ZKSCAN4: variants seen among roughly 807,000 people sequenced by gnomAD.
ZKSCAN4 encodes the protein zinc finger protein with KRAB and SCAN domains 4.
Under a neutral mutation model 30.8 loss-of-function variants are expected in ZKSCAN4, and 23 were observed. The observed-to-expected ratio is 0.75, with a 90% CI of 0.54 to 1.06. The LOEUF (loss-of-function observed/expected upper bound fraction) is 1.06, where lower values mean the gene tolerates loss of function less well. Ranked by LOEUF, ZKSCAN4 falls within the 50% of genes least tolerant of loss-of-function variation. ZKSCAN4 has a pLI of 0.00. For synonymous variants in ZKSCAN4, 208 were observed against 252.5 expected (o/e 0.82, Z 1.67); for missense variants, 556 against 665.4 (o/e 0.84, Z 1.81).
chr6:28,244,982 C>G lies in ZKSCAN4; in HGVS notation c.*134G>C, dbSNP rs778196669. 2 of 1,139,200 alleles carry G rather than the reference C, an allele frequency of 1.8e-6. No homozygotes were observed. Among genetic ancestry groups the G allele is most frequent in the Non-Finnish European group, 1.3e-6 (1 of 757,940 alleles). The allele number at this position is 1,139,200 out of a possible 1,614,324, so 70.6% of individuals were successfully genotyped here. A position where few individuals can be genotyped will look rare whatever the true frequency, so the allele number is the denominator to read the frequency against. On this transcript the variant is annotated 3_prime_UTR_variant, in exon 5 of 5. Transcript: ENST00000377294. ...AAGATAACTCATCGTCTCAGCCAGA[C>G]TACATTTTCTAATACCCGATGATGT...
Position 28,251,698 on chromosome 6 carries a change from G to C in ZKSCAN4, c.283C>G (p.Leu95Val). 1.2e-6 allele frequency: 2 copies of C among 1,614,246 alleles called. No homozygotes were observed. Among genetic ancestry groups the C allele is most frequent in the Non-Finnish European group, 8.5e-7 (1 of 1,180,046 alleles). ...GTCAGGAACTGCTCCAGCACCAGCA[G>C]CTCCAGGATCTGCTCCTTGCTGTGC... ...EMHSKEQILE[L>V]LVLEQFLTIL... Residue 95 changes from leucine to valine, a missense_variant, in exon 1 of 5, where the codon CTG (leucine) becomes GTG (valine). Coordinates refer to ENST00000377294, the MANE Select transcript of ZKSCAN4 (RefSeq NM_019110.5). The surrounding 1 kb of genome is among the most constrained non-coding windows in gnomAD (Gnocchi z 4.5).
At position 28,246,998 on chromosome 6, in the gene ZKSCAN4, T is replaced by A; in HGVS notation, c.749A>T (p.Gln250Leu). 6.2e-7 allele frequency: 1 copy of A among 1,612,790 alleles called. No individual in the cohort carries two copies. Among genetic ancestry groups the A allele is most frequent in the Admixed American group, 1.7e-5 (1 of 59,826 alleles). ...SQVNLYRDEK[Q>L]ENHSSLVSLG... ...GGAGACCAGGCTGCTATGGTTCTCC[T>A]GCTTTTCATCTCTGTAGAGGTTCAC... Residue 250 changes from glutamine (Q) to leucine (L), a missense_variant, in exon 4 of 5, where the codon CAG (glutamine) becomes CTG (leucine). Transcript: ENST00000377294.
chr6:28,246,414 A>G (rs1760734870), intron 4 of ZKSCAN4, among the ~76,000 whole-genome samples: 1 of 152,120 alleles, frequency 6.6e-6, no homozygotes, highest in Non-Finnish European at 1.5e-5. Flanking sequence ...AATGACATGG[A>G]CCGTCATCTC....
In ZKSCAN4 at chr6:28,249,557, A is replaced by G. The variant is rs1760894907; in HGVS notation, c.571+130T>C. The G allele has an allele frequency of 9.2e-7, 1 of 1,086,240 alleles. No homozygotes were observed. Among genetic ancestry groups the G allele is most frequent in the Non-Finnish European group, 1.3e-6 (1 of 790,568 alleles). The allele number at this position is 1,086,240 out of a possible 1,614,324, so 67.3% of individuals were successfully genotyped here. ...TTCACCATTGTTTGAAATTTCTCTTAGTCTCAGTCTTAAAATACAGCTCTC... is the reference window on the plus strand; with the variant it reads ...TTCACCATTGTTTGAAATTTCTCTTGGTCTCAGTCTTAAAATACAGCTCTC... On this transcript the variant is annotated intron_variant, in intron 2 of 4. Coordinates refer to ENST00000377294, the MANE Select transcript of ZKSCAN4 (RefSeq NM_019110.5). This position sits in a 1 kb window ranked among gnomAD's most constrained non-coding sequence, Gnocchi z 4.1.
chr6:28,252,938 C>T (rs1350269199), upstream of ZKSCAN4, among the ~76,000 whole-genome samples: 1 of 152,120 alleles, frequency 6.6e-6, no homozygotes, highest in East Asian at 1.9e-4. Context: ...TCTTCCCAGC[C>T]CCCAATCACA....
intron 2 of ZKSCAN4, 77 bp from the exon 3 acceptor site, chr6:28,248,226 A>C: frequency 1.9e-6 from 2 of 1,069,406 alleles, no homozygotes; most frequent in Non-Finnish European, 2.8e-6. Flanking sequence ...AAGTTCAAAA[A>C]CTGGGGCAGT....
intron 3 of ZKSCAN4, among the ~76,000 whole-genome samples, chr6:28,247,854 C>T (rs1760802906): frequency 1.3e-5 from 2 of 152,222 alleles, no homozygotes; most frequent in African/African-American, 4.8e-5. Flanking sequence ...ACAAAGAAAA[C>T]TCCAAGGTTG....
At position 28,245,786 on chromosome 6, in the gene ZKSCAN4, T is replaced by C. The variant is rs199691497; in HGVS notation, c.968A>G (p.His323Arg). 1 of 1,614,248 alleles carries C rather than the reference T, an allele frequency of 6.2e-7. No homozygotes were observed. The highest frequency in any genetic ancestry group is 2.2e-5 in the East Asian group (1 of 44,894). ...NAIGSRRHYC[H>R]ECGKSFAQSS... ...TTGAGCAAAACTCTTTCCACATTCA[T>C]GGCAATAATGTCGCCTACTCCCTAT... is the stretch of plus-strand genomic sequence containing the variant. The change falls in exon 5 of 5, where the codon CAT (histidine) becomes CGT (arginine). Residue 323 changes from histidine (H) to arginine (R), a missense_variant. By Grantham distance (29) the His-to-Arg change is conservative (BLOSUM62 0). Transcript: ENST00000377294.
chr6:28,252,198 G>C lies in ZKSCAN4; in HGVS notation c.-218C>G, dbSNP rs1318072842. On this transcript the variant is annotated 5_prime_UTR_variant, in exon 1 of 5. Transcript: ENST00000377294. The stretch of plus-strand genomic sequence containing the variant: ...TCTGCACCCCACTCTGAATCCCACA[G>C]TAAGTATCACCAAAGGATGTCTTTG... The C allele has an allele frequency of 2.4e-6, 1 of 414,650 alleles. No homozygotes were observed. The highest frequency in any genetic ancestry group is 2.0e-5 in the African/African-American group (1 of 49,062). 25.7% of individuals were successfully genotyped at this position (414,650 alleles called of 1,614,324 possible). A position where few individuals can be genotyped will look rare whatever the true frequency, so the allele number is the denominator to read the frequency against.
chr6:28,255,527 A>G (rs1039173737), upstream of ZKSCAN4, among the ~76,000 whole-genome samples: 1 of 152,072 alleles, frequency 6.6e-6, no homozygotes, highest in Non-Finnish European at 1.5e-5. Context: ...ATTTTTCCTT[A>G]CCTTTTTTCT....
At position 28,245,645 on chromosome 6, in the gene ZKSCAN4, T is replaced by C. The variant is rs1462036301; in HGVS notation, c.1109A>G (p.His370Arg). 1.2e-5 allele frequency: 19 copies of C among 1,614,082 alleles called. No individual in the cohort carries two copies. Among genetic ancestry groups the C allele is most frequent in the Non-Finnish European group, 1.6e-5 (19 of 1,180,048 alleles). Residue 370 changes from histidine to arginine, a missense_variant, in exon 5 of 5, where the codon CAC becomes CGC. His to Arg is a conservative substitution (Grantham distance 29). Around this residue, in one of 3 missense-constraint regions of ZKSCAN4, gnomAD observed 433 missense variants for 511.5 expected, o/e 0.85. Transcript: ENST00000377294. ...SSALVIHQRV[H>R]TGEKPYECEE... ...ACACTCATATGGCTTCTCACCAGTG[T>C]GGACTCTCTGATGAATGACAAGGGC... is the stretch of plus-strand genomic sequence containing the variant.
Position 28,249,745 on chromosome 6 carries a change from C to A in ZKSCAN4, c.513G>T (p.Gln171His), listed in dbSNP as rs1760905295. 6.2e-7 allele frequency: 1 copy of A among 1,614,152 alleles called. No homozygotes were observed. ...QTQGSQSSQC[Q>H]PMKALFKHES... ...CATGCTTGAACAGAGCCTTCATTGGCTGGCACTGGCTACTTTGAGACCCTT... is the reference window on the plus strand; with the variant it reads ...CATGCTTGAACAGAGCCTTCATTGGATGGCACTGGCTACTTTGAGACCCTT... Residue 171 changes from glutamine to histidine, a missense_variant, in exon 2 of 5, where the codon CAG becomes CAT. By Grantham distance (24) the Gln-to-His change is conservative (BLOSUM62 0). Transcript: ENST00000377294. This position sits in a 1 kb window ranked among gnomAD's most constrained non-coding sequence, Gnocchi z 4.1.
Position 28,252,084 on chromosome 6 carries a change from C to G in ZKSCAN4, c.-104G>C, listed in dbSNP as rs912828438. ...TTTCCAGTAGAACTGCAAGTGGTCC[C>G]CCTCCTGTCATGCCCAGGGGCCCAG... On this transcript the variant is annotated 5_prime_UTR_variant, in exon 1 of 5. Transcript: ENST00000377294. 6 of 1,314,040 alleles carry G rather than the reference C, an allele frequency of 4.6e-6. No individual in the cohort carries two copies. In the African/African-American group the frequency reaches 8.8e-5, roughly 19 times the overall value. The allele number at this position is 1,314,040 out of a possible 1,614,324, so 81.4% of individuals were successfully genotyped here. A position where few individuals can be genotyped will look rare whatever the true frequency, so the allele number is the denominator to read the frequency against.
chr6:28,256,216 G>A (rs1761170531), upstream of ZKSCAN4, among the ~76,000 whole-genome samples: 1 of 152,178 alleles, frequency 6.6e-6, no homozygotes, highest in Admixed American at 6.5e-5. Flanking sequence ...GAGCCCAGGA[G>A]TTCAAGACCA....
upstream of ZKSCAN4, among the ~76,000 whole-genome samples, chr6:28,254,060 C>T (rs572846263): frequency 6.6e-6 from 1 of 152,156 alleles, no homozygotes; most frequent in East Asian, 1.9e-4. Context: ...TTCTATAGAA[C>T]AGAATGATGC....
upstream of ZKSCAN4, among the ~76,000 whole-genome samples, chr6:28,256,606 C>T (rs1201225196): frequency 2.0e-5 from 3 of 152,114 alleles, no homozygotes; most frequent in East Asian, 3.9e-4. Context: ...AAAACTGTCC[C>T]TATTTTCTTA....
intron 3 of ZKSCAN4, among the ~76,000 whole-genome samples, chr6:28,247,501 G>T (rs956782663): frequency 6.6e-6 from 1 of 152,182 alleles, no homozygotes; most frequent in Non-Finnish European, 1.5e-5. Context: ...GGAAAAAAAG[G>T]ATACTACACA....
chr6:28,245,302 G>A lies in ZKSCAN4; in HGVS notation c.1452C>T (p.Pro484=), dbSNP rs921876373. The change falls in exon 5 of 5, where the codon CCC becomes CCT. Residue 484 remains proline (P), a synonymous_variant. Coordinates refer to ENST00000377294, the MANE Select transcript of ZKSCAN4 (RefSeq NM_019110.5). ...TESQWENTEA[P]VSYKCNECER... ...CACACTCATTACATTTATAAGACAC[G>A]GGAGCCTCAGTATTTTCCCACTGGC... The A allele has an allele frequency of 8.7e-6, 14 of 1,613,724 alleles. No individual in the cohort carries two copies. The highest frequency in any genetic ancestry group is 3.3e-5 in the South Asian group (3 of 91,072).
upstream of ZKSCAN4, among the ~76,000 whole-genome samples, chr6:28,256,381 T>C (rs576734575): frequency 2.0e-5 from 3 of 152,236 alleles, no homozygotes; most frequent in South Asian, 2.1e-4. Flanking sequence ...CAGTGAGCCA[T>C]GATAGTACCA....
Sources: allele counts gnomAD v4.1 joint callset (sites outside exome capture counted in the v4.1 genomes callset), GRCh38; gene constraint gnomAD v4.1.1; regional missense constraint gnomAD v4.1.1; non-coding constraint Gnocchi (gnomAD v3.1); transcripts MANE v1.5; gene names NCBI Gene and HGNC (gene_info 2026-07-23, HGNC 2026-07-21).